XPR1: variants seen among roughly 807,000 people sequenced by gnomAD.
XPR1 encodes xenotropic and polytropic retrovirus receptor 1.
In XPR1, 28 loss-of-function variants were observed where a neutral mutation model predicts 87.5. The observed-to-expected ratio is 0.32, with a 90% CI of 0.24 to 0.44. The LOEUF (loss-of-function observed/expected upper bound fraction) is 0.44. Ranked by LOEUF, XPR1 falls within the 20% of genes least tolerant of loss-of-function variation. The pLI, the probability that XPR1 is intolerant of heterozygous loss-of-function variation, is 1.00. For missense variants in XPR1, 559 were observed against 862.3 expected (o/e 0.65, Z 4.41); for synonymous variants, 300 against 306.1 (o/e 0.98, Z 0.21).
At chr1:180,752,655 T>A (rs544213061) in intron 2 of XPR1, among the ~76,000 whole-genome samples, 1 of 152,190 alleles carries the variant, frequency 6.6e-6, no homozygotes, top group Non-Finnish European at 1.5e-5. Context: ...TAATTTTAAC[T>A]AAGGATTATC....
intron 2 of XPR1, among the ~76,000 whole-genome samples, chr1:180,775,804 G>GAA (rs142083374): frequency 1.3e-4 from 20 of 150,902 alleles, no homozygotes; most frequent in Non-Finnish European, 2.8e-4. Flanking sequence ...AAGAGTGCTG[G>GAA]AAAAAAAAAT....
chr1:180,804,280 AG>A (rs1239780059), intron 4 of XPR1, among the ~76,000 whole-genome samples: 19 of 152,284 alleles, frequency 1.2e-4, no homozygotes, highest in African/African-American at 4.6e-4. Context: ...CCAGCCTGTA[AG>A]GGCTTTTATA....
chr1:180,742,089 C>T (rs1365556848), intron 2 of XPR1, among the ~76,000 whole-genome samples: 1 of 151,682 alleles, frequency 6.6e-6, no homozygotes, highest in Non-Finnish European at 1.5e-5. Context: ...AATTATATTA[C>T]TCTTTCTAAA....
At chr1:180,730,367 G>A (rs1340125210) in intron 2 of XPR1, among the ~76,000 whole-genome samples, 1 of 151,994 alleles carries the variant, frequency 6.6e-6, no homozygotes, top group Non-Finnish European at 1.5e-5. Context: ...TCCAAAAGAA[G>A]GATTTATAGA....
At chr1:180,715,480 C>T (rs1388898824) in intron 2 of XPR1, among the ~76,000 whole-genome samples, 1 of 152,124 alleles carries the variant, frequency 6.6e-6, no homozygotes, top group Non-Finnish European at 1.5e-5. Flanking sequence ...TCCAGTGTTA[C>T]ACAAATAATT....
At chr1:180,846,852 A>G (rs1651701070) in intron 11 of XPR1, among the ~76,000 whole-genome samples, 1 of 150,474 alleles carries the variant, frequency 6.6e-6, no homozygotes, top group Non-Finnish European at 1.5e-5. Context: ...TTTTCTTCAC[A>G]TAGTAAAAAA....
At chr1:180,661,302 T>A (rs1451914854) in intron 1 of XPR1, among the ~76,000 whole-genome samples, 2 of 152,088 alleles carry the variant, frequency 1.3e-5, no homozygotes, top group African/African-American at 2.4e-5. Flanking sequence ...AGGGTCTTGT[T>A]TTTTTTAACC....
chr1:180,880,156 C>T lies in XPR1; in HGVS notation c.1889C>T (p.Ser630Phe), dbSNP rs1411771112. The change falls in exon 14 of 15, where the codon TCT becomes TTT. Residue 630 changes from serine (S) to phenylalanine (F), a missense_variant. This residue lies in a region of XPR1 where 80 missense variants were observed against 99.5 expected (regional missense o/e 0.80). Coordinates refer to ENST00000367590, the MANE Select transcript of XPR1 (RefSeq NM_004736.4). ...CGEFRAVRDI[S>F]VAPLNADDQT... ...GAATTCCGTGCTGTGCGGGACATCT[C>T]TGTGGCCCCCCTGAACGCAGATGAT... The T allele has an allele frequency of 6.2e-7, 1 of 1,614,196 alleles. No homozygotes were observed.
At chr1:180,721,364 T>G (rs909035132) in intron 2 of XPR1, among the ~76,000 whole-genome samples, 5 of 152,200 alleles carry the variant, frequency 3.3e-5, no homozygotes. Flanking sequence ...AGCTAACAAG[T>G]CTGAGAGTGT....
chr1:180,882,482 A>G (rs1291239432), intron 14 of XPR1, among the ~76,000 whole-genome samples: 2 of 152,032 alleles, frequency 1.3e-5, no homozygotes, highest in African/African-American at 4.8e-5. Context: ...TCAGCCTCCC[A>G]AGTAGTTGGC....
At chr1:180,709,195 C>T (rs981924819) in intron 2 of XPR1, among the ~76,000 whole-genome samples, 9 of 152,310 alleles carry the variant, frequency 5.9e-5, no homozygotes, top group African/African-American at 1.7e-4. Flanking sequence ...TACAGACAGG[C>T]ATGAGCCGCC....
intron 2 of XPR1, among the ~76,000 whole-genome samples, chr1:180,771,403 T>C (rs1330185508): frequency 1.3e-5 from 2 of 152,198 alleles, no homozygotes; most frequent in Admixed American, 6.5e-5. Context: ...ATATACTCTT[T>C]ACCCAGCTTT....
rs1650766459 is a variant in XPR1 at position 180,824,743 on chromosome 1, A to T, written c.764-10A>T. 6.3e-7 allele frequency: 1 copy of T among 1,595,998 alleles called. No homozygotes were observed. ...TTTTATAACTGACCAATATCTTAAT[A>T]TTCTTTCAGCTGTATTTAAACTTGA... On this transcript the variant is annotated splice_polypyrimidine_tract_variant and intron_variant, in intron 7 of 14. Transcript: ENST00000367590.
intron 12 of XPR1, among the ~76,000 whole-genome samples, chr1:180,865,524 C>T (rs369834265): frequency 4.0e-4 from 61 of 152,130 alleles, no homozygotes; most frequent in African/African-American, 1.3e-3. Context: ...CCTCAGCCTC[C>T]CAAGTAGCTA....
In XPR1 at chr1:180,836,478, T is replaced by C. The variant is rs376119605; in HGVS notation, c.1307-44T>C. The C allele has an allele frequency of 2.5e-6, 4 of 1,609,314 alleles. No homozygotes were observed. In the African/African-American group the frequency reaches 5.3e-5, roughly 22 times the overall value. ...ATATGGCTAAATGATGTGAACAAGTTACTTTTTTTCAATGGTAATTTTTCT... is the reference window on the plus strand; with the variant it reads ...ATATGGCTAAATGATGTGAACAAGTCACTTTTTTTCAATGGTAATTTTTCT... On this transcript the variant is annotated intron_variant, in intron 10 of 14. Transcript: ENST00000367590.
intron 7 of XPR1, among the ~76,000 whole-genome samples, chr1:180,812,343 T>G (rs1299470750): frequency 6.6e-6 from 1 of 152,226 alleles, no homozygotes; most frequent in Non-Finnish European, 1.5e-5. Flanking sequence ...ACCGTCTATA[T>G]GCTAATGACT....
intron 9 of XPR1, among the ~76,000 whole-genome samples, chr1:180,826,351 A>G (rs1275717788): frequency 1.3e-5 from 2 of 151,418 alleles, no homozygotes; most frequent in African/African-American, 4.9e-5. Context: ...GGAGTTTCAG[A>G]CCAGCCTGGG....
chr1:180,759,494 C>G (rs1041708439), intron 2 of XPR1, among the ~76,000 whole-genome samples: 11 of 152,172 alleles, frequency 7.2e-5, no homozygotes, highest in African/African-American at 2.7e-4. Flanking sequence ...CACCTCTACG[C>G]ACATAAACTA....
chr1:180,638,516 A>C (rs1654859710), intron 1 of XPR1, among the ~76,000 whole-genome samples: 1 of 152,148 alleles, frequency 6.6e-6, no homozygotes, highest in Admixed American at 6.6e-5. Flanking sequence ...GTAAATGCTA[A>C]AAGAAGCCAG....
Sources: allele counts gnomAD v4.1 joint callset (sites outside exome capture counted in the v4.1 genomes callset), GRCh38; gene constraint gnomAD v4.1.1; regional missense constraint gnomAD v4.1.1; transcripts MANE v1.5; gene names NCBI Gene and HGNC (gene_info 2026-07-23, HGNC 2026-07-21).